Variants in KCNQ5 observed in about 807,000 individuals in gnomAD.
The protein encoded by KCNQ5 is potassium voltage-gated channel subfamily KQT member 5.
A neutral mutation model predicts 98.2 loss-of-function variants in KCNQ5; 30 were observed. That is an observed-to-expected ratio of 0.31 (90% CI 0.23 to 0.41). The LOEUF is 0.41. Ranked by LOEUF, KCNQ5 falls within the 10% of genes least tolerant of loss-of-function variation. The probability of loss-of-function intolerance (pLI) is 1.00; values close to 1 mark genes in which losing one functional copy is unlikely to be tolerated. For missense variants in KCNQ5, 835 were observed against 1,182.5 expected (o/e 0.71, Z 4.31); for synonymous variants, 458 against 449.4 (o/e 1.02, Z -0.24).
intron 10 of KCNQ5, among the ~76,000 whole-genome samples, chr6:73,137,232 A>G (rs1282310581): frequency 6.6e-6 from 1 of 152,126 alleles, no homozygotes; most frequent in Admixed American, 6.5e-5. Flanking sequence ...TATCCATGGC[A>G]TTTTTCTCTT....
At chr6:72,838,199 G>C (rs1036453053) in intron 1 of KCNQ5, among the ~76,000 whole-genome samples, 1 of 143,496 alleles carries the variant, frequency 7.0e-6, no homozygotes, top group Non-Finnish European at 1.5e-5. Context: ...TCTCTAAATA[G>C]GATATCAATG....
intron 3 of KCNQ5, among the ~76,000 whole-genome samples, chr6:73,043,460 G>C (rs541508401): frequency 6.6e-6 from 1 of 152,136 alleles, no homozygotes; most frequent in Non-Finnish European, 1.5e-5. Context: ...AGCCTTGCAG[G>C]TTCATAAAGC....
intron 2 of KCNQ5, among the ~76,000 whole-genome samples, chr6:73,038,727 T>C (rs1424550128): frequency 6.6e-6 from 1 of 152,096 alleles, no homozygotes; most frequent in Non-Finnish European, 1.5e-5. Flanking sequence ...ATATATTGAC[T>C]GATTGACTGT....
chr6:72,675,529 C>G (rs74695374), intron 1 of KCNQ5, among the ~76,000 whole-genome samples: 8,088 of 152,248 alleles, frequency 0.053, 675 homozygotes, highest in African/African-American at 0.18. Flanking sequence ...CCTACTTTGT[C>G]TTGCAGTCTT....
At chr6:72,755,635 C>T (rs1009329111) in intron 1 of KCNQ5, among the ~76,000 whole-genome samples, 40 of 152,134 alleles carry the variant, frequency 2.6e-4, no homozygotes, top group African/African-American at 8.4e-4. Context: ...CCATTTACTC[C>T]TTTCCATTCT....
intron 12 of KCNQ5, among the ~76,000 whole-genome samples, chr6:73,191,242 AT>A (rs1765577990): frequency 1.3e-5 from 2 of 151,954 alleles, no homozygotes; most frequent in African/African-American, 4.8e-5. Context: ...AGCACTCAGA[AT>A]CTCGGTGTGC....
intron 1 of KCNQ5, among the ~76,000 whole-genome samples, chr6:72,688,657 A>C (rs575731844): frequency 6.6e-6 from 1 of 152,204 alleles, no homozygotes; most frequent in African/African-American, 2.4e-5. Context: ...GTATATACGG[A>C]GTATGGTCAT....
chr6:73,017,160 G>T (rs1016584208), intron 2 of KCNQ5, among the ~76,000 whole-genome samples: 1 of 152,094 alleles, frequency 6.6e-6, no homozygotes, highest in Non-Finnish European at 1.5e-5. Context: ...ATAAGGCATC[G>T]CCCTGCCCTG....
chr6:72,765,885 C>T (rs1043528572), intron 1 of KCNQ5, among the ~76,000 whole-genome samples: 4 of 151,964 alleles, frequency 2.6e-5, no homozygotes, highest in Admixed American at 6.6e-5. Flanking sequence ...GACCTAGTGG[C>T]TTCAACTAGG....
chr6:73,054,951 T>C (rs1772404269), intron 3 of KCNQ5: 2 of 385,362 alleles, frequency 5.2e-6, no homozygotes, highest in Non-Finnish European at 9.9e-6. Flanking sequence ...CCATAATCTC[T>C]GCTCCAAAGC....
chr6:72,892,273 A>C, intron 1 of KCNQ5, among the ~76,000 whole-genome samples: 1 of 152,202 alleles, frequency 6.6e-6, no homozygotes, highest in Non-Finnish European at 1.5e-5. Flanking sequence ...GCACAACTGA[A>C]AGTTCCTGTT....
At chr6:73,132,107 A>G (rs1357971981) in intron 9 of KCNQ5, among the ~76,000 whole-genome samples, 1 of 152,242 alleles carries the variant, frequency 6.6e-6, no homozygotes, top group Non-Finnish European at 1.5e-5. Context: ...TACAAAGCAC[A>G]TATCCACTAA....
chr6:73,117,465 C>G (rs987735976), intron 7 of KCNQ5, among the ~76,000 whole-genome samples: 11 of 152,282 alleles, frequency 7.2e-5, no homozygotes, highest in African/African-American at 2.2e-4. Flanking sequence ...AGAAAAATAG[C>G]AAGACATCAG....
intron 11 of KCNQ5, among the ~76,000 whole-genome samples, chr6:73,179,858 G>T (rs1302067393): frequency 1.3e-5 from 2 of 152,188 alleles, no homozygotes; most frequent in Non-Finnish European, 2.9e-5. Flanking sequence ...ATCACAAAGT[G>T]AATTTTAACT....
chr6:72,999,327 T>C (rs1769454718), intron 1 of KCNQ5, among the ~76,000 whole-genome samples: 1 of 152,222 alleles, frequency 6.6e-6, no homozygotes, highest in Non-Finnish European at 1.5e-5. Context: ...TTTCCTTCTT[T>C]TTCTCTTACA....
chr6:72,795,669 A>T (rs1774292167), intron 1 of KCNQ5, among the ~76,000 whole-genome samples: 1 of 152,200 alleles, frequency 6.6e-6, no homozygotes, highest in Admixed American at 6.5e-5. Flanking sequence ...TCAGAATTGT[A>T]TTAAAAGCAT....
chr6:73,178,117 T>G (rs1319009367), intron 11 of KCNQ5, among the ~76,000 whole-genome samples: 6 of 133,954 alleles, frequency 4.5e-5, no homozygotes, highest in Non-Finnish European at 1.0e-4. Context: ...ATTATTTGGT[T>G]TTTTTTTTTA....
At chr6:72,832,953 C>T (rs1268126232) in intron 1 of KCNQ5, among the ~76,000 whole-genome samples, 3 of 152,170 alleles carry the variant, frequency 2.0e-5, no homozygotes, top group Non-Finnish European at 4.4e-5. Context: ...TGCCTTTGAA[C>T]CTTCTTTCCT....
intron 1 of KCNQ5, among the ~76,000 whole-genome samples, chr6:72,883,611 G>C (rs1434653453): frequency 6.6e-6 from 1 of 152,160 alleles, no homozygotes; most frequent in Non-Finnish European, 1.5e-5. Flanking sequence ...GCATTTGCAA[G>C]GAACAGTGAG....
Sources: gnomAD v4.1 joint callset for allele counts (sites outside exome capture counted in the v4.1 genomes callset) on GRCh38, gnomAD v4.1.1 for gene constraint, MANE v1.5 for transcripts, NCBI Gene and HGNC (gene_info 2026-07-23, HGNC 2026-07-21) for gene names.